Variants in GSTZ1 observed in about 807,000 individuals in gnomAD.
GSTZ1 encodes the protein glutathione S-transferase zeta 1, also known as maleylacetoacetate isomerase.
In GSTZ1, 34 loss-of-function variants were observed where a neutral mutation model predicts 35.9. The ratio of observed to expected loss-of-function variants is 0.95; its 90% confidence interval spans 0.72 to 1.26. The LOEUF is 1.26. Ranked by LOEUF, GSTZ1 falls within the 50% of genes most tolerant of loss-of-function variation. The pLI is 0.00. For missense variants in GSTZ1, 263 were observed against 271.7 expected (o/e 0.97, Z 0.23); for synonymous variants, 93 against 101.2 (o/e 0.92, Z 0.49).
At chr14:77,329,538 G>A (rs984909888) in intron 6 of GSTZ1, 31 of 598,310 alleles carry the variant, frequency 5.2e-5, no homozygotes, top group Non-Finnish European at 8.7e-5. Flanking sequence ...TTGTCCACTC[G>A]AGTGGGGAAA....
At position 77,321,202 on chromosome 14, in the gene GSTZ1, G is replaced by C; in HGVS notation, c.15+19G>C. 6.7e-7 allele frequency: 1 copy of C among 1,496,300 alleles called. No individual in the cohort carries two copies. Among genetic ancestry groups the C allele is most frequent in the Non-Finnish European group, 9.0e-7 (1 of 1,114,848 alleles). 92.7% of individuals were successfully genotyped at this position (1,496,300 alleles called of 1,614,324 possible). A position where few individuals can be genotyped will look rare whatever the true frequency, so the allele number is the denominator to read the frequency against. Reference sequence around the variant, plus strand: ...GGGGAAGGTCTGTGACGCGCACCCGGGTGGAGGGAAGCTGGTTAGACACCT... The same window carrying C: ...GGGGAAGGTCTGTGACGCGCACCCGCGTGGAGGGAAGCTGGTTAGACACCT... On this transcript the variant is annotated intron_variant, in intron 1 of 8. Transcript: ENST00000216465.
In GSTZ1 at chr14:77,328,038, GTGT is replaced by G. The variant is rs763839353; in HGVS notation, c.342+2_342+4del. On this transcript the variant is annotated splice_donor_variant and splice_donor_region_variant and intron_variant, in intron 5 of 8. Transcript: ENST00000216465. LOFTEE classifies it high-confidence loss of function. ...CGCTGGTGGCATCCAGCCCCTGCAGGTGTGGCACTTGTACACTTGCACCCTTGC... is the reference window on the plus strand; with the variant it reads ...CGCTGGTGGCATCCAGCCCCTGCAGGGGCACTTGTACACTTGCACCCTTGC... 14 of 1,613,506 alleles carry G rather than the reference GTGT, an allele frequency of 8.7e-6. No individual in the cohort carries two copies. In the Admixed American group the frequency reaches 2.3e-4, roughly 27 times the overall value.
chr14:77,329,502 G>A (rs1695295433), intron 6 of GSTZ1: 1 of 595,850 alleles, frequency 1.7e-6, no homozygotes, highest in Admixed American at 2.9e-5. Flanking sequence ...CAGAGTGAGA[G>A]CTGTCACCGT....
At position 77,326,868 on chromosome 14, in the gene GSTZ1, C is replaced by T. The variant is rs750964006; in HGVS notation, c.98C>T (p.Thr33Met). 1.2e-5 allele frequency: 20 copies of T among 1,607,084 alleles called. No individual in the cohort carries two copies. The highest frequency in any genetic ancestry group is 6.7e-5 in the East Asian group (3 of 44,814). Reference protein sequence around the residue: ...ALALKGIDYETVPINLIKDGG... With the variant: ...ALALKGIDYEMVPINLIKDGG... The stretch of plus-strand genomic sequence containing the variant: ...GCCTTGAAAGGCATCGACTACGAGA[C>T]GGTGCCCATCAATCTCATAAAGGAT... Residue 33 changes from threonine (T) to methionine (M), a missense_variant, in exon 3 of 9, where the codon ACG becomes ATG. Coordinates refer to ENST00000216465, the MANE Select transcript of GSTZ1 (RefSeq NM_145870.3).
chr14:77,321,721 A>G (rs552128089), intron 1 of GSTZ1, among the ~76,000 whole-genome samples: 1 of 152,256 alleles, frequency 6.6e-6, no homozygotes, highest in South Asian at 2.1e-4. Flanking sequence ...GTCTCTATTA[A>G]AATACAAAAA....
intron 6 of GSTZ1, 36 bp downstream of exon 6, chr14:77,329,237 C>A (rs778152963): frequency 1.4e-5 from 19 of 1,354,730 alleles, no homozygotes; most frequent in Non-Finnish European, 1.8e-5. Flanking sequence ...CCCACAGTGG[C>A]CTCTTAGAGG....
chr14:77,326,695 A>C, intron 2 of GSTZ1, 143 bp from the exon 3 acceptor site: 1 of 608,074 alleles, frequency 1.6e-6, no homozygotes, highest in Non-Finnish European at 3.0e-6. Flanking sequence ...AGAAGGGGAT[A>C]GTGCCACGGT....
intron 1 of GSTZ1, among the ~76,000 whole-genome samples, chr14:77,321,789 A>G (rs1892009092): frequency 6.6e-6 from 1 of 151,662 alleles, no homozygotes; most frequent in South Asian, 2.1e-4. Flanking sequence ...AGGCTGAGGC[A>G]GGAGAATAGC....
At chr14:77,322,188 CAT>C (rs780938354) in intron 1 of GSTZ1, among the ~76,000 whole-genome samples, 3 of 152,138 alleles carry the variant, frequency 2.0e-5, no homozygotes, top group Non-Finnish European at 2.9e-5. Flanking sequence ...TTTCTCAAAT[CAT>C]GTGTAAGACA....
rs144707908 is a variant in GSTZ1, at chr14:77,328,019, T to C, written c.324T>C (p.Gly108=). The C allele has an allele frequency of 9.3e-5, 150 of 1,613,866 alleles. No homozygotes were observed. The highest frequency in any genetic ancestry group is 1.6e-4 in the Middle Eastern group (1 of 6,084). Residue 108 remains glycine, a synonymous_variant, in exon 5 of 9, where the codon GGT becomes GGC. Transcript: ENST00000216465. ...GTATGATTTCTGACCTCATCGCTGGTGGCATCCAGCCCCTGCAGGTGTGGC... is the reference window on the plus strand; with the variant it reads ...GTATGATTTCTGACCTCATCGCTGGCGGCATCCAGCCCCTGCAGGTGTGGC... ...SVRMISDLIA[G]GIQPLQNLSV...
intron 5 of GSTZ1, chr14:77,328,791 A>G: frequency 2.8e-6 from 1 of 360,676 alleles, no homozygotes; most frequent in Non-Finnish European, 5.3e-6. Context: ...GCAAGGGAGA[A>G]GTGAGGGAGA....
chr14:77,322,636 A>G, intron 1 of GSTZ1: 6 of 985,062 alleles, frequency 6.1e-6, no homozygotes, highest in Non-Finnish European at 4.8e-6. Flanking sequence ...AATAAGGAAG[A>G]TCCAGTTGTG....
Position 77,329,180 on chromosome 14 carries a change from G to T in GSTZ1, c.400G>T (p.Ala134Ser), listed in dbSNP as rs149972480. ...EEMQLTWAQN[A>S]ITCGFNALEQ... ...GATGCAGCTGACCTGGGCCCAGAAC[G>T]CCATCACTTGTGGCTTTAACGGTGA... Residue 134 changes from alanine (A) to serine (S), a missense_variant, in exon 6 of 9, where the codon GCC becomes TCC. Coordinates refer to ENST00000216465, the MANE Select transcript of GSTZ1 (RefSeq NM_145870.3). 2 of 1,610,792 alleles carry T rather than the reference G, an allele frequency of 1.2e-6. No homozygotes were observed. Among genetic ancestry groups the T allele is most frequent in the African/African-American group, 2.7e-5 (2 of 74,994 alleles).
chr14:77,325,589 T>A (rs945644307), intron 2 of GSTZ1: 4 of 152,364 alleles, frequency 2.6e-5, no homozygotes, highest in Non-Finnish European at 4.4e-5. Flanking sequence ...ATCTTTCAGT[T>A]ACTAAGAGGC....
intron 7 of GSTZ1, 89 bp from the exon 8 acceptor site, chr14:77,330,221 C>T (rs753445830): frequency 4.5e-6 from 4 of 896,304 alleles, no homozygotes; most frequent in Admixed American, 1.7e-5. Context: ...ATTGTTGGTA[C>T]CCCCAGTAGA....
chr14:77,321,655 G>A (rs1212753812), intron 1 of GSTZ1: 2 of 488,092 alleles, frequency 4.1e-6, no homozygotes, highest in Non-Finnish European at 6.2e-6. Context: ...AGGCCGAGGC[G>A]GGCGGATCAC....
intron 2 of GSTZ1, chr14:77,326,538 C>T (rs1374033341): frequency 3.1e-6 from 1 of 320,258 alleles, no homozygotes; most frequent in Non-Finnish European, 6.0e-6. Flanking sequence ...CACAGAGTGC[C>T]AGGGCATACA....
At position 77,321,486 on chromosome 14, in the gene GSTZ1, A is replaced by G. The variant is rs567324800; in HGVS notation, c.15+303A>G. The G allele has an allele frequency of 1.5e-5, 22 of 1,452,162 alleles. No individual in the cohort carries two copies. In the South Asian group the frequency reaches 1.8e-4, roughly 12 times the overall value. The allele number at this position is 1,452,162 out of a possible 1,614,324, so 90.0% of individuals were successfully genotyped here. On this transcript the variant is annotated intron_variant, in intron 1 of 8. Transcript: ENST00000216465. ...CTCCCCATAACAGACCCCTCCCTCC[A>G]CTAAGGCTTCCAAACGTCGCCCCAA...
intron 3 of GSTZ1, 60 bp downstream of exon 3, chr14:77,326,965 C>A: frequency 8.4e-7 from 1 of 1,188,108 alleles, no homozygotes; most frequent in Non-Finnish European, 1.2e-6. Context: ...AGGCACCAGG[C>A]AGGGGAAAAA....
Sources: gnomAD v4.1 joint callset for allele counts (sites outside exome capture counted in the v4.1 genomes callset) on GRCh38, gnomAD v4.1.1 for gene constraint, MANE v1.5 for transcripts, NCBI Gene and HGNC (gene_info 2026-07-23, HGNC 2026-07-21) for gene names.